The following MIPEP variants were observed in gnomAD, a reference collection of about 807,000 sequenced individuals.
MIPEP encodes mitochondrial intermediate peptidase.
In MIPEP, 79 loss-of-function variants were observed where a neutral mutation model predicts 90.3. That is an observed-to-expected ratio of 0.87 (90% CI 0.73 to 1.05). The LOEUF is 1.05. Ranked by LOEUF, MIPEP falls within the 50% of genes least tolerant of loss-of-function variation. The probability of loss-of-function intolerance (pLI) is 0.00; values close to 1 mark genes in which losing one functional copy is unlikely to be tolerated. For synonymous variants in MIPEP, 334 were observed against 315.8 expected, an observed-to-expected ratio of 1.06 and a Z score of -0.61; for missense variants, 940 against 905.6, an observed-to-expected ratio of 1.04 and a Z score of -0.49.
At chr13:23,875,133 TGACA>T (rs1407102418) in intron 4 of MIPEP, among the ~76,000 whole-genome samples, 7 of 151,724 alleles carry the variant, frequency 4.6e-5, no homozygotes, top group African/African-American at 1.7e-4. Context: ...CCTATCTGAC[TGACA>T]ATTATGATTG....
rs537848063 is a variant in MIPEP at position 23,842,030 on chromosome 13, A to T, written c.1107-542T>A. Among the ~76,000 whole-genome samples the T allele has an allele frequency of 1.4e-3, 210 of 152,156 alleles. 1 individual carries two copies. Among genetic ancestry groups the T allele is most frequent in the African/African-American group, 5.0e-3 (208 of 41,410 alleles). On this transcript the variant is annotated intron_variant, in intron 10 of 18. Coordinates refer to ENST00000382172, the MANE Select transcript of MIPEP (RefSeq NM_005932.4). ...ATCTGTTTTATAGTTAGATATCTTA[A>T]ATTAAAGACAACGTAACTAGTAAGG...
At chr13:23,780,955 G>T (rs190617401) in intron 16 of MIPEP, among the ~76,000 whole-genome samples, 1 of 152,156 alleles carries the variant, frequency 6.6e-6, no homozygotes, top group Non-Finnish European at 1.5e-5. Context: ...GGGACTATGC[G>T]AAAAGACCAA....
intron 18 of MIPEP, among the ~76,000 whole-genome samples, chr13:23,736,910 T>G (rs1201287184): frequency 3.9e-5 from 6 of 152,226 alleles, no homozygotes; most frequent in Admixed American, 3.9e-4. Flanking sequence ...CTCATAGGTT[T>G]GCTTTAACCC....
At chr13:23,747,639 G>A (rs920580819) in intron 18 of MIPEP, 6 of 438,474 alleles carry the variant, frequency 1.4e-5, no homozygotes, top group East Asian at 6.9e-5. Context: ...AGAACTTCAC[G>A]AAAATATTTA....
chr13:23,806,073 G>T lies in MIPEP; in HGVS notation c.1729-4C>A. The T allele has an allele frequency of 2.5e-6, 4 of 1,613,576 alleles. No individual in the cohort carries two copies. Among genetic ancestry groups the T allele is most frequent in the Non-Finnish European group, 3.4e-6 (4 of 1,179,856 alleles). On this transcript the variant is annotated splice_polypyrimidine_tract_variant and splice_region_variant and intron_variant, in intron 15 of 18. Transcript: ENST00000382172. ...GATCCAGAGTGGCATAAAAGACCTA[G>T]ATAGATAAAAACATCTACTTAGTTT...
intron 8 of MIPEP, among the ~76,000 whole-genome samples, chr13:23,863,275 G>A (rs536414456): frequency 1.6e-4 from 24 of 152,310 alleles, no homozygotes; most frequent in African/African-American, 5.5e-4. Flanking sequence ...CTAGAAGAGG[G>A]CCAGTGAAGG....
chr13:23,735,243 G>A (rs1202723400), intron 18 of MIPEP, among the ~76,000 whole-genome samples: 2 of 152,136 alleles, frequency 1.3e-5, no homozygotes, highest in African/African-American at 4.8e-5. Context: ...ATCTGTGGCA[G>A]GTGGGGTTCC....
rs1475219697 is a variant in MIPEP, at chr13:23,876,699, C to T, written c.540-1790G>A. On this transcript the variant is annotated intron_variant, in intron 4 of 18. Transcript: ENST00000382172. ...ATTTGTCAACATTTGTGTGTTCTGA[C>T]TTTGAATGTGGAAGCGTTTTGCCTT... Among the ~76,000 whole-genome samples the T allele has an allele frequency of 1.1e-4, 17 of 152,078 alleles. No homozygotes were observed. The East Asian group carries it at 1.7e-3, about 16-fold the overall frequency.
intron 10 of MIPEP, among the ~76,000 whole-genome samples, chr13:23,855,963 C>T (rs749986460): frequency 6.6e-6 from 1 of 152,192 alleles, no homozygotes; most frequent in Non-Finnish European, 1.5e-5. Flanking sequence ...ACATGGCATT[C>T]TCTTTCTAAA....
At chr13:23,735,337 C>T (rs1266020612) in intron 18 of MIPEP, among the ~76,000 whole-genome samples, 1 of 152,044 alleles carries the variant, frequency 6.6e-6, no homozygotes, top group African/African-American at 2.4e-5. Context: ...TTCTTCTTGC[C>T]TATTAAACTC....
chr13:23,859,150 G>A (rs1870177451), intron 9 of MIPEP, among the ~76,000 whole-genome samples: 1 of 152,092 alleles, frequency 6.6e-6, no homozygotes, highest in Non-Finnish European at 1.5e-5. Flanking sequence ...CTGGGGAAAA[G>A]ACAAACAAAT....
chr13:23,877,446 T>C (rs1871114218), intron 4 of MIPEP, among the ~76,000 whole-genome samples: 1 of 152,210 alleles, frequency 6.6e-6, no homozygotes, highest in Non-Finnish European at 1.5e-5. Context: ...CTTATTATAG[T>C]CTTTGCATAC....
At chr13:23,836,841 A>C (rs1489575376) in intron 13 of MIPEP, among the ~76,000 whole-genome samples, 1 of 152,222 alleles carries the variant, frequency 6.6e-6, no homozygotes, top group African/African-American at 2.4e-5. Flanking sequence ...TAAAGTAACA[A>C]ATCCTGTAAG....
At chr13:23,883,000 A>G (rs1403058531) in intron 2 of MIPEP, among the ~76,000 whole-genome samples, 3 of 152,178 alleles carry the variant, frequency 2.0e-5, no homozygotes, top group African/African-American at 7.2e-5. Flanking sequence ...ATTAAAAAAG[A>G]AAACAAAATA....
chr13:23,806,571 G>C (rs575691205), intron 15 of MIPEP, among the ~76,000 whole-genome samples: 1 of 151,910 alleles, frequency 6.6e-6, no homozygotes, highest in Non-Finnish European at 1.5e-5. Context: ...CCAGCTACTC[G>C]GGAGGCTGAG....
intron 18 of MIPEP, 95 bp downstream of exon 18, chr13:23,756,450 C>T: frequency 7.6e-7 from 1 of 1,320,530 alleles, no homozygotes; most frequent in Non-Finnish European, 1.1e-6. Flanking sequence ...AACCACCACA[C>T]CTGGCCTAAA....
chr13:23,879,468 C>G, intron 3 of MIPEP, 114 bp from the exon 4 acceptor site: 1 of 625,506 alleles, frequency 1.6e-6, no homozygotes, highest in Non-Finnish European at 2.8e-6. Flanking sequence ...AGCTGAACAG[C>G]ATAACCTACC....
intron 10 of MIPEP, among the ~76,000 whole-genome samples, chr13:23,853,049 A>G (rs1244003862): frequency 2.0e-5 from 3 of 152,226 alleles, no homozygotes; most frequent in Non-Finnish European, 4.4e-5. Flanking sequence ...CTTGTGTTTC[A>G]AGCTAAATAT....
intron 16 of MIPEP, among the ~76,000 whole-genome samples, chr13:23,763,452 A>G (rs1355624550): frequency 3.3e-5 from 5 of 152,218 alleles, no homozygotes; most frequent in African/African-American, 7.2e-5. Context: ...TGCCAGAACT[A>G]GTTTGGCAGC....
Sources: gnomAD v4.1 joint callset for allele counts (sites outside exome capture counted in the v4.1 genomes callset) on GRCh38, gnomAD v4.1.1 for gene constraint, MANE v1.5 for transcripts, NCBI Gene and HGNC (gene_info 2026-07-23, HGNC 2026-07-21) for gene names.